MTA3: variants seen among roughly 807,000 people sequenced by gnomAD.
MTA3 encodes metastasis-associated protein MTA3.
Under a neutral mutation model 83.5 loss-of-function variants are expected in MTA3, and 34 were observed. The observed-to-expected ratio is 0.41, with a 90% CI of 0.31 to 0.54. The LOEUF (loss-of-function observed/expected upper bound fraction) is 0.54. MTA3 is among the 20% of genes least tolerant of loss of function. The pLI is 0.33. For missense variants in MTA3, 761 were observed against 726.4 expected (o/e 1.05, Z -0.55); for synonymous variants, 303 against 252.7 (o/e 1.20, Z -1.89).
At chr2:42,571,978 A>T (rs979771446) in intron 2 of MTA3, among the ~76,000 whole-genome samples, 9 of 147,798 alleles carry the variant, frequency 6.1e-5, no homozygotes, top group African/African-American at 2.3e-4. Flanking sequence ...GGGAATTTGT[A>T]AAATTCTGGA....
At chr2:42,703,220 TTCTCC>T (rs1302484598) in intron 11 of MTA3, 2 of 152,276 alleles carry the variant, frequency 1.3e-5, no homozygotes, top group African/African-American at 4.8e-5. Flanking sequence ...TGCCTCTCTT[TTCTCC>T]TCTTAAAAAA....
At chr2:42,650,509 G>A (rs1305893758) in intron 6 of MTA3, among the ~76,000 whole-genome samples, 2 of 151,782 alleles carry the variant, frequency 1.3e-5, no homozygotes, top group Non-Finnish European at 1.5e-5. Flanking sequence ...GCACGATCTC[G>A]GTTCACTGCA....
At chr2:42,575,923 C>G (rs779499968) in intron 2 of MTA3, among the ~76,000 whole-genome samples, 6 of 152,068 alleles carry the variant, frequency 3.9e-5, no homozygotes, top group Non-Finnish European at 7.3e-5. Context: ...CATGTAATAG[C>G]GAGTTTCTGG....
chr2:42,748,039 G>GT (rs1053679074), intron 16 of MTA3, among the ~76,000 whole-genome samples: 9 of 151,040 alleles, frequency 6.0e-5, no homozygotes, highest in African/African-American at 2.2e-4. Context: ...TTAGTTTTTT[G>GT]TTTTTTTTGA....
rs558287042 is a variant in MTA3, at chr2:42,616,138, G to GC, written c.317+6555dup. 4.4e-3 allele frequency among the ~76,000 whole-genome samples: 666 copies of GC among 151,910 alleles called. 5 individuals carry two copies. The highest frequency in any genetic ancestry group is 0.015 in the African/African-American group (640 of 41,410). ...TGCAGTGGTGTGATCTCGGCTCACT[G>GC]CAACTCCGCCTCCCGGTTTCAAGCG... On this transcript the variant is annotated intron_variant, in intron 4 of 16. Coordinates refer to ENST00000405094, the MANE Select transcript of MTA3 (RefSeq NM_001330442.2).
chr2:42,557,451 A>G (rs1677451504), intron 2 of MTA3, among the ~76,000 whole-genome samples: 1 of 152,254 alleles, frequency 6.6e-6, no homozygotes, highest in Admixed American at 6.5e-5. Context: ...TTTTGGCTGG[A>G]CGGATTCTGG....
intron 6 of MTA3, among the ~76,000 whole-genome samples, chr2:42,654,973 A>C (rs1689029657): frequency 6.6e-6 from 1 of 151,880 alleles, no homozygotes; most frequent in African/African-American, 2.4e-5. Context: ...TGAAATCTAC[A>C]CTCTACATCC....
chr2:42,548,833 T>TATATATA (rs1553340691), intron 2 of MTA3, among the ~76,000 whole-genome samples: 4 of 11,516 alleles, frequency 3.5e-4, no homozygotes, highest in African/African-American at 1.0e-3. Context: ...ATATATAATA[T>TATATATA]ATATATATAT....
chr2:42,678,448 C>G (rs1401509797), intron 8 of MTA3, among the ~76,000 whole-genome samples: 1 of 152,146 alleles, frequency 6.6e-6, no homozygotes, highest in African/African-American at 2.4e-5. Context: ...AGTGATTCTC[C>G]TGCCTCAGCC....
chr2:42,555,455 CAA>C (rs146740409), intron 2 of MTA3, among the ~76,000 whole-genome samples: 4 of 54,344 alleles, frequency 7.4e-5, no homozygotes, highest in African/African-American at 1.7e-4. Flanking sequence ...AACTCCATCT[CAA>C]AAAAAAAAAA....
chr2:42,673,416 G>A (rs565753146), intron 8 of MTA3, among the ~76,000 whole-genome samples: 50 of 152,048 alleles, frequency 3.3e-4, no homozygotes, highest in South Asian at 1.7e-3. Flanking sequence ...GGTTTATCAG[G>A]GTATTAAATG....
intron 3 of MTA3, among the ~76,000 whole-genome samples, chr2:42,606,835 C>T (rs367573691): frequency 4.0e-5 from 6 of 149,442 alleles, no homozygotes; most frequent in East Asian, 2.0e-4. Context: ...CCCGGCACCT[C>T]GGGAGGCCGA....
At chr2:42,557,673 A>G (rs1417706707) in intron 2 of MTA3, among the ~76,000 whole-genome samples, 1 of 152,152 alleles carries the variant, frequency 6.6e-6, no homozygotes, top group Non-Finnish European at 1.5e-5. Context: ...AGACATAAAC[A>G]ATGATTTATT....
intron 9 of MTA3, among the ~76,000 whole-genome samples, chr2:42,694,034 G>A (rs960300021): frequency 1.3e-5 from 2 of 152,124 alleles, no homozygotes; most frequent in African/African-American, 4.8e-5. Flanking sequence ...TTGTCCAGAT[G>A]GTGTCTAGAA....
At chr2:42,729,032 A>G (rs1056088742) in intron 16 of MTA3, among the ~76,000 whole-genome samples, 1 of 149,988 alleles carries the variant, frequency 6.7e-6, no homozygotes, top group South Asian at 2.1e-4. Flanking sequence ...TTTGCCCAGA[A>G]CAATGTCCTA....
At chr2:42,621,132 G>T (rs79385870) in intron 4 of MTA3, among the ~76,000 whole-genome samples, 3 of 137,392 alleles carry the variant, frequency 2.2e-5, no homozygotes, top group Admixed American at 1.5e-4. Context: ...TCTTATTAGA[G>T]TTTTTTTTTT....
At chr2:42,505,810 C>T (rs1255223756) in intron 2 of MTA3, among the ~76,000 whole-genome samples, 3 of 149,264 alleles carry the variant, frequency 2.0e-5, no homozygotes, top group Non-Finnish European at 3.0e-5. Flanking sequence ...GCTCTGTCAC[C>T]CAGGCTGGAG....
At chr2:42,602,177 C>T (rs1050788704) in intron 3 of MTA3, among the ~76,000 whole-genome samples, 3 of 151,968 alleles carry the variant, frequency 2.0e-5, no homozygotes, top group African/African-American at 7.3e-5. Flanking sequence ...GGGTTTCATC[C>T]TGTTGCCTAG....
chr2:42,689,427 TG>T (rs1692681672), intron 9 of MTA3, among the ~76,000 whole-genome samples: 1 of 152,230 alleles, frequency 6.6e-6, no homozygotes, highest in Non-Finnish European at 1.5e-5. Context: ...TAGAATGAGT[TG>T]GGAAGTATTC....
Sources: gnomAD v4.1 joint callset for allele counts (sites outside exome capture counted in the v4.1 genomes callset) on GRCh38, gnomAD v4.1.1 for gene constraint, MANE v1.5 for transcripts, NCBI Gene and HGNC (gene_info 2026-07-23, HGNC 2026-07-21) for gene names.